Variants in OR5H14 observed in about 807,000 individuals in gnomAD.
OR5H14 encodes olfactory receptor 5H14.
For missense variants in OR5H14, 392 were observed against 363.9 expected, an observed-to-expected ratio of 1.08 and a Z score of -0.63; for synonymous variants, 155 against 130.6, an observed-to-expected ratio of 1.19 and a Z score of -1.28.
At position 98,150,601 on chromosome 3, in the gene OR5H14, T is replaced by C. The variant is rs1446146093; in HGVS notation, c.*283T>C. On this transcript the variant is annotated 3_prime_UTR_variant, in exon 2 of 2. Transcript: ENST00000641380. ...TTAATCACTGTGTCTTATAAATGCA[T>C]TAAATGCAAAATAGTCTAGTTTATC... 1 of 225,124 alleles carries C rather than the reference T, an allele frequency of 4.4e-6. No individual in the cohort carries two copies. The highest frequency in any genetic ancestry group is 2.3e-5 in the African/African-American group (1 of 43,842). 13.9% of individuals were successfully genotyped at this position (225,124 alleles called of 1,614,324 possible).
chr3:98,149,653 A>G lies in OR5H14; in HGVS notation c.268A>G (p.Lys90Glu). Residue 90 changes from lysine (K) to glutamate (E), a missense_variant, in exon 2 of 2, where the codon AAG becomes GAG. Lys to Glu is a moderately conservative substitution (Grantham distance 56, BLOSUM62 1). Transcript: ENST00000641380. ...GCTGATCAACTTCTTAGCTAAGAGT[A>G]AGATGATATCTCTCTCTGAATGCAA... ...KMLINFLAKSKMISLSECKIQ... is the reference protein window; with the variant it reads ...KMLINFLAKSEMISLSECKIQ... The G allele has an allele frequency of 6.2e-7, 1 of 1,613,588 alleles. No homozygotes were observed. Among genetic ancestry groups the G allele is most frequent in the African/African-American group, 1.3e-5 (1 of 75,020 alleles).
chr3:98,149,273 T>G, intron 1 of OR5H14, 95 bp from the exon 2 acceptor site: 1 of 1,299,390 alleles, frequency 7.7e-7, no homozygotes, highest in East Asian at 2.4e-5. Context: ...ATTGAGTCTC[T>G]GATAATTGCA....
At position 98,155,380 on chromosome 3, in the gene OR5H14, T is replaced by C. The variant is rs79698857; in HGVS notation, c.*5062T>C. 23,096 of 144,520 alleles carry C rather than the reference T, an allele frequency of 0.16. No homozygotes were observed. The highest frequency in any genetic ancestry group is 0.35 in the East Asian group (1,651 of 4,752). 9.0% of individuals were successfully genotyped at this position (144,520 alleles called of 1,614,324 possible). A position where few individuals can be genotyped will look rare whatever the true frequency, so the allele number is the denominator to read the frequency against. On this transcript the variant is annotated 3_prime_UTR_variant, in exon 2 of 2. Transcript: ENST00000641380. ...TATCTAGGTGTCAGGCAAAAAGATC[T>C]CATTAGGTGGTTCCGTACAGAGAGG...
In OR5H14 at chr3:98,152,238, C is replaced by T. The variant is rs7630491; in HGVS notation, c.*1920C>T. On this transcript the variant is annotated 3_prime_UTR_variant, in exon 2 of 2. Coordinates refer to ENST00000641380, the MANE Select transcript of OR5H14 (RefSeq NM_001005514.2). ...AGTTCAACCTTTGTGGAAGACAGTGCGGTGATTCCTTATGAATCCGGAGCC... is the reference window on the plus strand; with the variant it reads ...AGTTCAACCTTTGTGGAAGACAGTGTGGTGATTCCTTATGAATCCGGAGCC... 0.15 allele frequency: 23,449 copies of T among 152,076 alleles called. 2,163 individuals carry two copies. The highest frequency in any genetic ancestry group is 0.41 in the East Asian group (2,114 of 5,150). 9.4% of individuals were successfully genotyped at this position (152,076 alleles called of 1,614,324 possible). A position where few individuals can be genotyped will look rare whatever the true frequency, so the allele number is the denominator to read the frequency against.
rs1328806926 is a variant in OR5H14, at chr3:98,154,838, G to A, written c.*4520G>A. On this transcript the variant is annotated 3_prime_UTR_variant, in exon 2 of 2. Coordinates refer to ENST00000641380, the MANE Select transcript of OR5H14 (RefSeq NM_001005514.2). ...ATTTATAGTTTGATTTTGAAACAAA[G>A]ATGGTAACAGTCTCTCCTCAAAGCA... 6.6e-5 allele frequency: 10 copies of A among 152,312 alleles called. No homozygotes were observed. The highest frequency in any genetic ancestry group is 1.9e-4 in the African/African-American group (8 of 41,590). The allele number at this position is 152,312 out of a possible 1,614,324, so 9.4% of individuals were successfully genotyped here. A position where few individuals can be genotyped will look rare whatever the true frequency, so the allele number is the denominator to read the frequency against.
At position 98,150,134 on chromosome 3, in the gene OR5H14, T is replaced by C. The variant is rs753299258; in HGVS notation, c.749T>C (p.Leu250Ser). Residue 250 changes from leucine (L) to serine (S), a missense_variant, in exon 2 of 2, where the codon TTA (leucine) becomes TCA (serine). Leu to Ser is a moderately radical substitution (Grantham distance 145, BLOSUM62 -2). Coordinates refer to ENST00000641380, the MANE Select transcript of OR5H14 (RefSeq NM_001005514.2). Reference sequence around the variant, plus strand: ...GGAGCTCATCTCTTATCTGTATCTTTATACTATGGGCCCCTCGCCTTCATG... The same window carrying C: ...GGAGCTCATCTCTTATCTGTATCTTCATACTATGGGCCCCTCGCCTTCATG... ...TCGAHLLSVS[L>S]YYGPLAFMYM... 5.0e-6 allele frequency: 8 copies of C among 1,611,310 alleles called. No homozygotes were observed. Among genetic ancestry groups the C allele is most frequent in the South Asian group, 1.1e-5 (1 of 90,796 alleles).
chr3:98,149,330 T>G (rs4857075), intron 1 of OR5H14, 38 bp from the exon 2 acceptor site: 862,950 of 1,571,570 alleles, frequency 0.55, 235,945 homozygotes, highest in African/African-American at 0.69. Context: ...ATAATGTCAT[T>G]GCAGATGTTC....
chr3:98,148,488 T>C (rs1193869458), intron 1 of OR5H14, among the ~76,000 whole-genome samples: 1 of 152,040 alleles, frequency 6.6e-6, no homozygotes, highest in Non-Finnish European at 1.5e-5. Context: ...CACATGATGC[T>C]CACTCCAAGA....
rs759095581 is a variant in OR5H14 at position 98,149,529 on chromosome 3, C to A, written c.144C>A (p.Val48=). 1.2e-6 allele frequency: 2 copies of A among 1,613,394 alleles called. No individual in the cohort carries two copies. Among genetic ancestry groups the A allele is most frequent in the African/African-American group, 2.7e-5 (2 of 74,876 alleles). Residue 48 remains valine, a synonymous_variant, in exon 2 of 2, where the codon GTC becomes GTA. Coordinates refer to ENST00000641380, the MANE Select transcript of OR5H14 (RefSeq NM_001005514.2). The part of the protein sequence containing the change: ...TIMGNLGLIA[V]IWKDPHLHIP... ...TGGGGAATCTTGGTCTGATTGCTGT[C>A]ATCTGGAAAGACCCTCATCTTCATA...
rs1316376257 is a variant in OR5H14 at position 98,151,855 on chromosome 3, G to C, written c.*1537G>C. 1.3e-5 allele frequency: 2 copies of C among 152,146 alleles called. No individual in the cohort carries two copies. The highest frequency in any genetic ancestry group is 3.9e-4 in the East Asian group (2 of 5,180). 9.4% of individuals were successfully genotyped at this position (152,146 alleles called of 1,614,324 possible). A position where few individuals can be genotyped will look rare whatever the true frequency, so the allele number is the denominator to read the frequency against. On this transcript the variant is annotated 3_prime_UTR_variant, in exon 2 of 2. Coordinates refer to ENST00000641380, the MANE Select transcript of OR5H14 (RefSeq NM_001005514.2). ...CTTTTGTTAAGAACCTATCATCAGA[G>C]TGAACAGGCAAACTGCAGAATGGGA...
rs955265387 is a variant in OR5H14 at position 98,151,027 on chromosome 3, G to C, written c.*709G>C. On this transcript the variant is annotated 3_prime_UTR_variant, in exon 2 of 2. Transcript: ENST00000641380. Reference sequence around the variant, plus strand: ...TTCCAGCTGTGATTGTGTTTTCAGAGAATCTGAAAAGCTTCCCTAAATCAG... The same window carrying C: ...TTCCAGCTGTGATTGTGTTTTCAGACAATCTGAAAAGCTTCCCTAAATCAG... 1 of 152,034 alleles carries C rather than the reference G, an allele frequency of 6.6e-6. No homozygotes were observed. Among genetic ancestry groups the C allele is most frequent in the Non-Finnish European group, 1.5e-5 (1 of 67,986 alleles). The allele number at this position is 152,034 out of a possible 1,614,324, so 9.4% of individuals were successfully genotyped here.
At chr3:98,149,240 T>C in intron 1 of OR5H14, 128 bp from the exon 2 acceptor site, 2 of 1,031,670 alleles carry the variant, frequency 1.9e-6, no homozygotes, top group South Asian at 1.7e-5. Context: ...ATAGGATTTC[T>C]TATTTATAAT....
chr3:98,150,085 A>T lies in OR5H14; in HGVS notation c.700A>T (p.Met234Leu). 1.2e-6 allele frequency: 2 copies of T among 1,610,930 alleles called. No individual in the cohort carries two copies. Among genetic ancestry groups the T allele is most frequent in the Non-Finnish European group, 1.7e-6 (2 of 1,179,018 alleles). Residue 234 changes from methionine (M) to leucine (L), a missense_variant, in exon 2 of 2, where the codon ATG becomes TTG. Coordinates refer to ENST00000641380, the MANE Select transcript of OR5H14 (RefSeq NM_001005514.2). ...CTTGAAAAAGAAGTCTGTCAAAGGT[A>T]TGAGAAAAGCCTTCTCCACCTGTGG... ...TILKKKSVKG[M>L]RKAFSTCGAH...
At position 98,150,025 on chromosome 3, in the gene OR5H14, G is replaced by A; in HGVS notation, c.640G>A (p.Val214Ile). The change falls in exon 2 of 2, where the codon GTT (valine) becomes ATT (isoleucine). Residue 214 changes from valine to isoleucine, a missense_variant. Transcript: ENST00000641380. Reference sequence around the variant, plus strand: ...AATTCAAGTTTTTACCATAGGGACTGTTCTTATATCTTACATATTTGTCCT... The same window carrying A: ...AATTCAAGTTTTTACCATAGGGACTATTCTTATATCTTACATATTTGTCCT... ...GSIQVFTIGT[V>I]LISYIFVLYT... is the part of the protein sequence containing the mutation. The A allele has an allele frequency of 6.2e-7, 1 of 1,612,900 alleles. No individual in the cohort carries two copies. The highest frequency in any genetic ancestry group is 1.3e-5 in the African/African-American group (1 of 74,906).
rs1708542957 is a variant in OR5H14, at chr3:98,153,978, T to A, written c.*3660T>A. On this transcript the variant is annotated 3_prime_UTR_variant, in exon 2 of 2. Coordinates refer to ENST00000641380, the MANE Select transcript of OR5H14 (RefSeq NM_001005514.2). ...TCTACTGAAATATATTTTCAAATAT[T>A]TGAAAATGTTTGACAGATCATCAGC... 1 of 152,196 alleles carries A rather than the reference T, an allele frequency of 6.6e-6. No homozygotes were observed. The highest frequency in any genetic ancestry group is 2.4e-5 in the African/African-American group (1 of 41,462). The allele number at this position is 152,196 out of a possible 1,614,324, so 9.4% of individuals were successfully genotyped here. A position where few individuals can be genotyped will look rare whatever the true frequency, so the allele number is the denominator to read the frequency against.
In OR5H14 at chr3:98,151,807, G is replaced by A. The variant is rs1197561104; in HGVS notation, c.*1489G>A. The A allele has an allele frequency of 6.6e-6, 1 of 152,040 alleles. No individual in the cohort carries two copies. Among genetic ancestry groups the A allele is most frequent in the Non-Finnish European group, 1.5e-5 (1 of 67,994 alleles). 9.4% of individuals were successfully genotyped at this position (152,040 alleles called of 1,614,324 possible). ...AGTTCCTACTTAGAGGTGAGTTGAT[G>A]GTTTCTGATTGGTTAAAGTAAACTT... On this transcript the variant is annotated 3_prime_UTR_variant, in exon 2 of 2. Coordinates refer to ENST00000641380, the MANE Select transcript of OR5H14 (RefSeq NM_001005514.2).
intron 1 of OR5H14, among the ~76,000 whole-genome samples, chr3:98,148,659 CT>C (rs143721922): frequency 0.03 from 4,493 of 152,098 alleles, 214 homozygotes; most frequent in African/African-American, 0.097. Context: ...ATTTCTTTGT[CT>C]TACCATCTCT....
chr3:98,150,153 C>T lies in OR5H14; in HGVS notation c.768C>T (p.Ala256=), dbSNP rs377003442. Residue 256 remains alanine (A), a synonymous_variant, in exon 2 of 2, where the codon GCC becomes GCT. Transcript: ENST00000641380. The part of the protein sequence containing the change: ...LSVSLYYGPL[A]FMYMGSASPQ... ...TATCTTTATACTATGGGCCCCTCGC[C>T]TTCATGTATATGGGCTCTGCATCCC... is the stretch of plus-strand genomic sequence containing the variant. 1.5e-4 allele frequency: 246 copies of T among 1,612,084 alleles called. No homozygotes were observed. The highest frequency in any genetic ancestry group is 2.0e-4 in the Non-Finnish European group (235 of 1,179,532).
intron 1 of OR5H14, among the ~76,000 whole-genome samples, chr3:98,148,706 C>A (rs115076945): frequency 6.6e-6 from 1 of 152,022 alleles, no homozygotes; most frequent in Non-Finnish European, 1.5e-5. Context: ...AGACATCTAG[C>A]ATTCATTTGA....
Sources: gnomAD v4.1 joint callset for allele counts (sites outside exome capture counted in the v4.1 genomes callset) on GRCh38, gnomAD v4.1.1 for gene constraint, MANE v1.5 for transcripts, NCBI Gene and HGNC (gene_info 2026-07-23, HGNC 2026-07-21) for gene names.